The following GSG1L variants were observed in gnomAD, a reference collection of about 807,000 sequenced individuals.
GSG1L encodes GSG1 like.
GSG1L carries 24 observed loss-of-function variants against 42.1 expected under a neutral mutation model. That is an observed-to-expected ratio of 0.57 (90% confidence interval 0.41 to 0.80). The LOEUF is 0.80. Among genes scored for constraint, GSG1L ranks in the 30% least tolerant of loss-of-function variants. GSG1L has a pLI of 0.00. For missense variants in GSG1L, 445 were observed against 472.2 expected (o/e 0.94, Z 0.53); for synonymous variants, 215 against 203.5 (o/e 1.06, Z -0.48).
chr16:28,031,083 AGT>A, intron 1 of GSG1L, among the ~76,000 whole-genome samples: 1 of 115,484 alleles, frequency 8.7e-6, no homozygotes, highest in East Asian at 3.0e-4. Context: ...GTATGGGCTG[AGT>A]TGGGATGGGA....
chr16:27,825,248 G>C (rs1240226934), intron 5 of GSG1L, among the ~76,000 whole-genome samples: 1 of 152,170 alleles, frequency 6.6e-6, no homozygotes, highest in Non-Finnish European at 1.5e-5. Context: ...TAGGTGCCTG[G>C]CCCAATTCTA....
At chr16:27,895,214 A>G (rs2141036588) in intron 2 of GSG1L, among the ~76,000 whole-genome samples, 1 of 152,320 alleles carries the variant, frequency 6.6e-6, no homozygotes, top group East Asian at 1.9e-4. Flanking sequence ...CACATTAAAA[A>G]AATCCAGATT....
At chr16:28,031,023 T>G (rs28452336) in intron 1 of GSG1L, among the ~76,000 whole-genome samples, 14 of 111,732 alleles carry the variant, frequency 1.3e-4, no homozygotes, top group African/African-American at 1.4e-4. Flanking sequence ...GGGATGGGAT[T>G]GGATGGGATG....
intron 1 of GSG1L, among the ~76,000 whole-genome samples, chr16:28,049,068 G>A (rs781613037): frequency 3.3e-5 from 5 of 152,098 alleles, no homozygotes; most frequent in East Asian, 1.9e-4. Flanking sequence ...CAAGCCTGTC[G>A]GCTCTCTCTG....
chr16:28,042,665 A>C (rs1012096233), intron 1 of GSG1L, among the ~76,000 whole-genome samples: 19 of 152,210 alleles, frequency 1.2e-4, no homozygotes, highest in Non-Finnish European at 1.8e-4. Flanking sequence ...AAATCATTGC[A>C]AATAAGACAC....
intron 2 of GSG1L, among the ~76,000 whole-genome samples, chr16:27,917,036 G>C (rs898425305): frequency 6.6e-6 from 1 of 152,166 alleles, no homozygotes; most frequent in Non-Finnish European, 1.5e-5. Context: ...AAGTGCAAAG[G>C]CCTGAGGTGG....
chr16:27,895,234 G>A (rs1295256561), intron 2 of GSG1L, among the ~76,000 whole-genome samples: 1 of 152,060 alleles, frequency 6.6e-6, no homozygotes, highest in Admixed American at 6.5e-5. Context: ...TTCTGGATTC[G>A]TTTGCAAAAT....
chr16:27,875,863 C>T (rs934370028), intron 3 of GSG1L, among the ~76,000 whole-genome samples: 6 of 152,202 alleles, frequency 3.9e-5, no homozygotes, highest in Non-Finnish European at 7.3e-5. Flanking sequence ...TAGCCATCCT[C>T]TCCGCATGGA....
chr16:27,892,698 G>A (rs909460579), intron 2 of GSG1L, among the ~76,000 whole-genome samples: 14 of 151,424 alleles, frequency 9.2e-5, no homozygotes, highest in Non-Finnish European at 2.9e-5. Context: ...GCTGAGGCAG[G>A]AGAATTCCTT....
intron 2 of GSG1L, among the ~76,000 whole-genome samples, chr16:27,900,373 GA>G (rs1234206160): frequency 6.6e-6 from 1 of 152,192 alleles, no homozygotes; most frequent in African/African-American, 2.4e-5. Flanking sequence ...GGCAGGTGAA[GA>G]AGTTAAGTCC....
intron 1 of GSG1L, among the ~76,000 whole-genome samples, chr16:27,987,963 A>AAAG (rs2085407104): frequency 6.6e-6 from 1 of 151,626 alleles, no homozygotes; most frequent in Admixed American, 6.6e-5. Context: ...AAAAAAAAAA[A>AAAG]AAAACCGGAA....
intron 4 of GSG1L, among the ~76,000 whole-genome samples, chr16:27,844,152 A>G (rs1159490243): frequency 2.0e-5 from 3 of 152,156 alleles, no homozygotes; most frequent in Non-Finnish European, 4.4e-5. Context: ...CCTTACTTAG[A>G]CTGATGCAGG....
chr16:28,013,282 C>A (rs1336833034), intron 1 of GSG1L, among the ~76,000 whole-genome samples: 1 of 151,556 alleles, frequency 6.6e-6, no homozygotes, highest in Non-Finnish European at 1.5e-5. Context: ...AGAGAGCCAA[C>A]CTAGTCTGGG....
intron 3 of GSG1L, among the ~76,000 whole-genome samples, chr16:27,880,543 C>T (rs572763236): frequency 1.3e-5 from 2 of 152,302 alleles, no homozygotes; most frequent in East Asian, 3.9e-4. Context: ...AATTAACCTC[C>T]CTGAGCCTGG....
intron 2 of GSG1L, among the ~76,000 whole-genome samples, chr16:27,885,423 A>G (rs1423778932): frequency 6.6e-6 from 1 of 152,198 alleles, no homozygotes; most frequent in African/African-American, 2.4e-5. Context: ...TGCTGGGATT[A>G]CAGGCATGAG....
At chr16:27,949,692 G>A (rs1165622969) in intron 2 of GSG1L, among the ~76,000 whole-genome samples, 6 of 152,152 alleles carry the variant, frequency 3.9e-5, no homozygotes, top group African/African-American at 1.4e-4. Flanking sequence ...TTGGGAGGCC[G>A]AGGCGGGCGG....
intron 4 of GSG1L, among the ~76,000 whole-genome samples, chr16:27,834,962 T>G (rs1024790518): frequency 6.6e-6 from 1 of 152,208 alleles, no homozygotes; most frequent in Non-Finnish European, 1.5e-5. Flanking sequence ...ATTTTGCCCT[T>G]CTTTTTCTAG....
At chr16:27,974,158 G>A (rs1463408271) in intron 1 of GSG1L, among the ~76,000 whole-genome samples, 2 of 152,136 alleles carry the variant, frequency 1.3e-5, no homozygotes, top group Non-Finnish European at 2.9e-5. Flanking sequence ...GCTTCAGGGA[G>A]GGGACAGCAG....
chr16:28,022,691 G>A (rs950559270), intron 1 of GSG1L, among the ~76,000 whole-genome samples: 2 of 151,692 alleles, frequency 1.3e-5, no homozygotes, highest in African/African-American at 4.8e-5. Context: ...TGTTTGAAAC[G>A]AAGTGTCACT....
Sources: gnomAD v4.1 joint callset for allele counts (sites outside exome capture counted in the v4.1 genomes callset) on GRCh38, gnomAD v4.1.1 for gene constraint, MANE v1.5 for transcripts, NCBI Gene and HGNC (gene_info 2026-07-23, HGNC 2026-07-21) for gene names.